The following CAPN7 variants were observed in gnomAD, a reference collection of about 807,000 sequenced individuals.
CAPN7 encodes calpain-7.
CAPN7 carries 72 observed loss-of-function variants against 115.2 expected under a neutral mutation model. The observed-to-expected ratio is 0.63, with a 90% CI of 0.52 to 0.76. The LOEUF (loss-of-function observed/expected upper bound fraction) is 0.76. Ranked by LOEUF, CAPN7 falls within the 30% of genes least tolerant of loss-of-function variation. CAPN7 has a pLI of 0.00. For missense variants in CAPN7, 905 were observed against 971.5 expected (o/e 0.93, Z 0.91); for synonymous variants, 344 against 322.3 (o/e 1.07, Z -0.72).
At chr3:15,229,765 CAT>C (rs1400412526) in intron 8 of CAPN7, among the ~76,000 whole-genome samples, 1 of 151,774 alleles carries the variant, frequency 6.6e-6, no homozygotes, top group Non-Finnish European at 1.5e-5. Context: ...GGAAATATAA[CAT>C]ATTTCTGTTG....
chr3:15,248,849 C>T (rs771225025), intron 19 of CAPN7, among the ~76,000 whole-genome samples: 12 of 151,290 alleles, frequency 7.9e-5, no homozygotes, highest in Non-Finnish European at 1.6e-4. Flanking sequence ...AAAATTTAGC[C>T]AGGCATGGTG....
At chr3:15,237,260 G>C (rs1456632844) in intron 12 of CAPN7, among the ~76,000 whole-genome samples, 1 of 151,906 alleles carries the variant, frequency 6.6e-6, no homozygotes, top group Non-Finnish European at 1.5e-5. Context: ...TTTTTAGGCT[G>C]TTTTCTTAAA....
At chr3:15,216,201 T>G (rs1200215495) in intron 2 of CAPN7, among the ~76,000 whole-genome samples, 6 of 152,234 alleles carry the variant, frequency 3.9e-5, no homozygotes, top group African/African-American at 1.4e-4. Flanking sequence ...ATGTTTAACT[T>G]TTTGAGGAAC....
chr3:15,210,232 C>G (rs902685524), intron 1 of CAPN7, among the ~76,000 whole-genome samples: 1 of 151,908 alleles, frequency 6.6e-6, no homozygotes, highest in African/African-American at 2.4e-5. Context: ...CTCCTGGCCT[C>G]AAGCAGTCCT....
At chr3:15,242,040 A>G in intron 15 of CAPN7, 138 bp from the exon 16 acceptor site, 4 of 653,182 alleles carry the variant, frequency 6.1e-6, no homozygotes, top group Non-Finnish European at 8.0e-6. Flanking sequence ...TATAGCACTA[A>G]ATAGCTGAAA....
intron 5 of CAPN7, among the ~76,000 whole-genome samples, chr3:15,222,854 C>G (rs765936872): frequency 6.6e-6 from 1 of 152,152 alleles, no homozygotes; most frequent in Admixed American, 6.5e-5. Flanking sequence ...GATTTCCAGG[C>G]TATTGTTACC....
chr3:15,228,041 C>G (rs1694431674), intron 7 of CAPN7, 76 bp downstream of exon 7: 3 of 1,162,806 alleles, frequency 2.6e-6, no homozygotes, highest in Non-Finnish European at 3.4e-6. Context: ...TGAGTTTTTT[C>G]TTAGATTTTT....
chr3:15,224,335 T>G (rs1694180161), intron 6 of CAPN7, among the ~76,000 whole-genome samples: 1 of 151,844 alleles, frequency 6.6e-6, no homozygotes, highest in Non-Finnish European at 1.5e-5. Flanking sequence ...TGCAATGATG[T>G]GATCATGACT....
rs188527824 is a variant in CAPN7 at position 15,215,183 on chromosome 3, G to A, written c.212-2242G>A. ...TGAGTGCCTGTAGTTCCAGCCACTT[G>A]GGAGGCTAAGGCAGAAGGGTCACTT... On this transcript the variant is annotated intron_variant, in intron 2 of 20. Transcript: ENST00000253693. Among the ~76,000 whole-genome samples the A allele has an allele frequency of 2.4e-3, 365 of 152,234 alleles. 1 individual carries two copies. The highest frequency in any genetic ancestry group is 6.2e-3 in the South Asian group (30 of 4,826).
At chr3:15,221,255 C>A (rs1278047973) in intron 5 of CAPN7, among the ~76,000 whole-genome samples, 1 of 151,790 alleles carries the variant, frequency 6.6e-6, no homozygotes, top group Non-Finnish European at 1.5e-5. Context: ...TCTTGGCTCA[C>A]TGCAACCTCT....
intron 19 of CAPN7, among the ~76,000 whole-genome samples, chr3:15,249,119 A>G (rs1469124211): frequency 5.3e-5 from 8 of 152,154 alleles, no homozygotes; most frequent in Non-Finnish European, 1.0e-4. Flanking sequence ...GCAGCAGTTA[A>G]TAACCCATTA....
chr3:15,223,976 C>G (rs908484848), intron 6 of CAPN7, among the ~76,000 whole-genome samples: 13 of 152,150 alleles, frequency 8.5e-5, no homozygotes, highest in African/African-American at 3.1e-4. Context: ...CACAGCCTTC[C>G]AGGACAATGG....
intron 12 of CAPN7, 104 bp downstream of exon 12, chr3:15,235,249 A>C: frequency 9.7e-7 from 1 of 1,032,600 alleles, no homozygotes; most frequent in South Asian, 1.7e-5. Flanking sequence ...TCAAGGTTTA[A>C]GTGGAGTTTA....
intron 4 of CAPN7, 129 bp downstream of exon 4, chr3:15,218,669 A>T (rs1301708215): frequency 1.4e-6 from 1 of 698,088 alleles, no homozygotes; most frequent in African/African-American, 1.8e-5. Flanking sequence ...AAACAAATCT[A>T]CTTTCTACTT....
At chr3:15,234,051 C>T in intron 11 of CAPN7, 78 bp downstream of exon 11, 3 of 779,274 alleles carry the variant, frequency 3.8e-6, no homozygotes, top group Non-Finnish European at 4.3e-6. Context: ...CGTGGTGGGT[C>T]ATGCCTGTAA....
intron 19 of CAPN7, among the ~76,000 whole-genome samples, chr3:15,249,882 A>G (rs1695900127): frequency 6.6e-6 from 1 of 151,220 alleles, no homozygotes; most frequent in African/African-American, 2.4e-5. Context: ...CTCCTGCCTC[A>G]GCCTCCCAAG....
Position 15,212,184 on chromosome 3 carries a change from G to T in CAPN7, c.183G>T (p.Leu61=). 6.2e-7 allele frequency: 1 copy of T among 1,607,252 alleles called. No individual in the cohort carries two copies. Among genetic ancestry groups the T allele is most frequent in the Non-Finnish European group, 8.5e-7 (1 of 1,175,184 alleles). Residue 61 remains leucine (L), a synonymous_variant, in exon 2 of 21, where the codon CTG becomes CTT. Coordinates refer to ENST00000253693, the MANE Select transcript of CAPN7 (RefSeq NM_014296.3). ...ENIQEKITEY[L]ERVQALHSAV... is the part of the protein sequence containing the mutation. ...TTCAAGAAAAAATAACTGAGTATCT[G>T]GAAAGAGTTCAAGCTCTACATTCAG...
At chr3:15,249,025 C>CAAAAAAAA (rs59492817) in intron 19 of CAPN7, among the ~76,000 whole-genome samples, 1 of 130,760 alleles carries the variant, frequency 7.6e-6, no homozygotes, top group Admixed American at 8.8e-5. Context: ...AAAAAAAAAA[C>CAAAAAAAA]AAAAACAGAA....
chr3:15,209,491 T>C (rs1245860802), intron 1 of CAPN7, among the ~76,000 whole-genome samples: 2 of 152,250 alleles, frequency 1.3e-5, no homozygotes, highest in Non-Finnish European at 2.9e-5. Flanking sequence ...ATATTTATGC[T>C]AGGAACATTT....
Sources: gnomAD v4.1 joint callset for allele counts (sites outside exome capture counted in the v4.1 genomes callset) on GRCh38, gnomAD v4.1.1 for gene constraint, MANE v1.5 for transcripts, NCBI Gene and HGNC (gene_info 2026-07-23, HGNC 2026-07-21) for gene names.